The following MOK variants were observed in gnomAD, a reference collection of about 807,000 sequenced individuals.
MOK encodes the protein MOK protein kinase.
In MOK, 59 loss-of-function variants were observed where a neutral mutation model predicts 54.2. The ratio of observed to expected loss-of-function variants is 1.09; its 90% CI spans 0.88 to 1.35. MOK has a LOEUF of 1.35. MOK is among the 40% of genes most tolerant of loss of function. The pLI is 0.00. For synonymous variants in MOK, 210 were observed against 202.7 expected (o/e 1.04, Z -0.31); for missense variants, 517 against 526.2 (o/e 0.98, Z 0.17).
intron 2 of MOK, chr14:102,280,638 T>C (rs1366522758): frequency 2.0e-5 from 3 of 152,268 alleles, no homozygotes; most frequent in Admixed American, 2.0e-4. Flanking sequence ...ACATTTGCCA[T>C]GTGTCCCACC....
Position 102,249,090 on chromosome 14 carries a change from G to A in MOK, c.590+1722C>T, listed in dbSNP as rs577747128. Among the ~76,000 whole-genome samples the A allele has an allele frequency of 7.2e-5, 11 of 152,232 alleles. No homozygotes were observed. Among genetic ancestry groups the A allele is most frequent in the Admixed American group, 3.3e-4 (5 of 15,286 alleles). On this transcript the variant is annotated intron_variant, in intron 7 of 11. Transcript: ENST00000361847. This position sits in a 1 kb window ranked among gnomAD's most constrained non-coding sequence, Gnocchi z 5.3. The stretch of plus-strand genomic sequence containing the variant: ...CGGAACACGAGGAACTCAGCCTGGC[G>A]TGTGCAGCGACCTTAGCTGCTGGGA...
chr14:102,267,294 G>C (rs1417681517), intron 2 of MOK, among the ~76,000 whole-genome samples: 1 of 152,210 alleles, frequency 6.6e-6, no homozygotes, highest in Non-Finnish European at 1.5e-5. Context: ...GGCCAGGCGT[G>C]GTCGCTCATG....
At chr14:102,299,034 C>G (rs1033564965) in intron 1 of MOK, among the ~76,000 whole-genome samples, 1 of 152,188 alleles carries the variant, frequency 6.6e-6, no homozygotes, top group African/African-American at 2.4e-5. Flanking sequence ...TCCAGACACA[C>G]TGCTTTTAAG....
intron 1 of MOK, among the ~76,000 whole-genome samples, chr14:102,292,358 A>T (rs10135956): frequency 0.02 from 3,046 of 152,126 alleles, 72 homozygotes; most frequent in African/African-American, 0.052. Context: ...CTGTAGTCCC[A>T]GCTACTCAGG....
chr14:102,251,668 T>A, intron 6 of MOK, 88 bp downstream of exon 6: 1 of 1,045,846 alleles, frequency 9.6e-7, no homozygotes, highest in African/African-American at 1.6e-5. Context: ...GGACTGAAAG[T>A]TCCTCTGGTA....
intron 7 of MOK, among the ~76,000 whole-genome samples, chr14:102,250,551 G>A (rs76973212): frequency 0.061 from 9,229 of 152,170 alleles, 315 homozygotes; most frequent in South Asian, 0.12. Context: ...CAACCCCAAG[G>A]AGGCAGCTGC....
Position 102,283,477 on chromosome 14 carries a change from C to A in MOK, c.122+1G>T. ...GTCCCAAGTGCATCTCTGTAGCCTA[C>A]CTTTCAAAGCGCTGCTTCATTTGTT... On this transcript the variant is annotated splice_donor_variant, in intron 2 of 11. Coordinates refer to ENST00000361847, the MANE Select transcript of MOK (RefSeq NM_014226.3). LOFTEE classifies it high-confidence loss of function. 1 of 1,604,746 alleles carries A rather than the reference C, an allele frequency of 6.2e-7. No homozygotes were observed. The highest frequency in any genetic ancestry group is 8.5e-7 in the Non-Finnish European group (1 of 1,174,646).
chr14:102,294,432 C>A (rs1219838684), intron 1 of MOK, among the ~76,000 whole-genome samples: 1 of 139,444 alleles, frequency 7.2e-6, no homozygotes, highest in Non-Finnish European at 1.5e-5. Flanking sequence ...GGTGATAGAG[C>A]GAGACTCCGT....
rs978989775 is a variant in MOK at position 102,249,097 on chromosome 14, G to A, written c.590+1715C>T. Among the ~76,000 whole-genome samples, 7 of 152,148 alleles carry A rather than the reference G, an allele frequency of 4.6e-5. No homozygotes were observed. The highest frequency in any genetic ancestry group is 1.0e-4 in the Non-Finnish European group (7 of 68,028). The stretch of plus-strand genomic sequence containing the variant: ...CGAGGAACTCAGCCTGGCGTGTGCA[G>A]CGACCTTAGCTGCTGGGAGGCTCCA... On this transcript the variant is annotated intron_variant, in intron 7 of 11. Transcript: ENST00000361847. This position sits in a 1 kb window ranked among gnomAD's most constrained non-coding sequence, Gnocchi z 5.3.
At chr14:102,260,402 T>C (rs1268453455) in intron 4 of MOK, among the ~76,000 whole-genome samples, 1 of 152,092 alleles carries the variant, frequency 6.6e-6, no homozygotes, top group Non-Finnish European at 1.5e-5. Context: ...TTAAAATGAG[T>C]TAATTCCTAT....
intron 1 of MOK, among the ~76,000 whole-genome samples, chr14:102,290,770 A>G (rs1307725045): frequency 2.0e-5 from 3 of 152,208 alleles, no homozygotes; most frequent in African/African-American, 7.2e-5. Context: ...AGAGGGTTCC[A>G]TAAGCAAATA....
Position 102,286,886 on chromosome 14 carries a change from G to A in MOK, c.8-3294C>T, listed in dbSNP as rs190282795. On this transcript the variant is annotated intron_variant, in intron 1 of 11. Transcript: ENST00000361847. ...GATTGCGCCACTCCACTCCAGCCTG[G>A]GCAACAAAGTGAGACTCCGTCTCAA... Among the ~76,000 whole-genome samples the A allele has an allele frequency of 3.5e-3, 521 of 149,608 alleles. 3 individuals carry two copies. Among genetic ancestry groups the A allele is most frequent in the African/African-American group, 0.012 (486 of 40,440 alleles).
At chr14:102,222,439 A>G (rs917762324), downstream of MOK, among the ~76,000 whole-genome samples, 62 of 152,276 alleles carry the variant, frequency 4.1e-4, no homozygotes, top group Middle Eastern at 6.8e-3. The surrounding 1 kb of genome is among the most constrained non-coding windows in gnomAD (Gnocchi z 4.4). Context: ...TGCGGTCCAG[A>G]ACTGCGGTGC....
At chr14:102,283,421 C>T (rs2183637) in intron 2 of MOK, 57 bp downstream of exon 2, 44,736 of 1,100,536 alleles carry the variant, frequency 0.041, 1,141 homozygotes, top group African/African-American at 0.11. Context: ...ATTAAGTTGC[C>T]GTTATTGACT....
chr14:102,273,485 C>T lies in MOK; in HGVS notation c.123-7573G>A, dbSNP rs1256326186. Among the ~76,000 whole-genome samples the T allele has an allele frequency of 1.3e-5, 2 of 151,898 alleles. 1 individual carries two copies. The highest frequency in any genetic ancestry group is 3.9e-4 in the East Asian group (2 of 5,178). ...AGACCTTTTCAGTGAAACTACAAAA[C>T]AGCTGAAACCGTCCAGGCAAGGTGG... On this transcript the variant is annotated intron_variant, in intron 2 of 11. Transcript: ENST00000361847.
chr14:102,303,763 T>C (rs1420040602), intron 1 of MOK, among the ~76,000 whole-genome samples: 1 of 152,076 alleles, frequency 6.6e-6, no homozygotes, highest in Non-Finnish European at 1.5e-5. Flanking sequence ...CCAGTGAAAA[T>C]AAATACATAA....
Position 102,232,495 on chromosome 14 carries a change from G to A in MOK, c.866+40C>T, listed in dbSNP as rs758313805. 1 of 1,586,378 alleles carries A rather than the reference G, an allele frequency of 6.3e-7. No homozygotes were observed. The highest frequency in any genetic ancestry group is 1.7e-5 in the Admixed American group (1 of 58,118). On this transcript the variant is annotated intron_variant, in intron 9 of 11. Transcript: ENST00000361847. The surrounding 1 kb of genome is among the most constrained non-coding windows in gnomAD (Gnocchi z 5.1). Reference sequence around the variant, plus strand: ...ATGTGCCCATGGGTCTCATTTGCCAGGTCCTGCATCTGCCCCACCGAACCC... The same window carrying A: ...ATGTGCCCATGGGTCTCATTTGCCAAGTCCTGCATCTGCCCCACCGAACCC...
intron 2 of MOK, among the ~76,000 whole-genome samples, chr14:102,273,595 T>G (rs185628765): frequency 5.3e-5 from 8 of 152,168 alleles, no homozygotes; most frequent in African/African-American, 1.9e-4. Context: ...CTGGCCAACA[T>G]GACAAAACCC....
In MOK at chr14:102,283,539, T is replaced by A. The variant is rs2069697431; in HGVS notation, c.61A>T (p.Met21Leu). 4 of 1,613,670 alleles carry A rather than the reference T, an allele frequency of 2.5e-6. No individual in the cohort carries two copies. The highest frequency in any genetic ancestry group is 1.3e-5 in the African/African-American group (1 of 74,946). The change falls in exon 2 of 12, where the codon ATG (methionine) becomes TTG (leucine). Residue 21 changes from methionine (M) to leucine (L), a missense_variant. Coordinates refer to ENST00000361847, the MANE Select transcript of MOK (RefSeq NM_014226.3). ...GEGTFSEVMK[M>L]QSLRDGNYYA... ...TAGTTTCCATCTCTCAGGCTTTGCA[T>A]CTTCATAACTTCAGAAAACGTTCCC...
Sources: allele counts gnomAD v4.1 joint callset (sites outside exome capture counted in the v4.1 genomes callset), GRCh38; gene constraint gnomAD v4.1.1; non-coding constraint Gnocchi (gnomAD v3.1); transcripts MANE v1.5; gene names NCBI Gene and HGNC (gene_info 2026-07-23, HGNC 2026-07-21).